Variants in SHROOM3 observed in about 807,000 individuals in gnomAD.
SHROOM3 encodes the protein protein Shroom3.
A neutral mutation model predicts 138.6 loss-of-function variants in SHROOM3; 47 were observed. The observed-to-expected ratio is 0.34, with a 90% CI of 0.27 to 0.43. The LOEUF is 0.43. SHROOM3 is among the 20% of genes least tolerant of loss of function. The pLI, the probability that SHROOM3 is intolerant of heterozygous loss-of-function variation, is 1.00. For synonymous variants in SHROOM3, 1,062 were observed against 1,063.3 expected, an observed-to-expected ratio of 1.00 and a Z score of 0.02; for missense variants, 2,491 against 2,596.5, an observed-to-expected ratio of 0.96 and a Z score of 0.88.
chr4:76,679,028 T>G (rs1193778308), intron 2 of SHROOM3, among the ~76,000 whole-genome samples: 1 of 152,242 alleles, frequency 6.6e-6, no homozygotes. Context: ...GAAGAAATCG[T>G]TGGTGTATTT....
At chr4:76,735,839 TAAAAAAAAAAAAAAAAAAAAA>T (rs1170202101) in intron 4 of SHROOM3, among the ~76,000 whole-genome samples, 1 of 75,840 alleles carries the variant, frequency 1.3e-5, no homozygotes, top group African/African-American at 5.9e-5. Context: ...GACTCTATCT[TAAAAAAAAAAAAAAAAAAAAA>T]AAAAAAAAAT....
At chr4:76,479,245 G>T (rs910032149) in intron 1 of SHROOM3, among the ~76,000 whole-genome samples, 1 of 151,852 alleles carries the variant, frequency 6.6e-6, no homozygotes, top group Non-Finnish European at 1.5e-5. Context: ...AAGGTTAGAG[G>T]AATTGCTAAC....
intron 2 of SHROOM3, among the ~76,000 whole-genome samples, chr4:76,579,138 C>G (rs1733995027): frequency 6.6e-6 from 1 of 152,154 alleles, no homozygotes; most frequent in African/African-American, 2.4e-5. Context: ...GAGGTTGTGC[C>G]ACTGCTCTCC....
At chr4:76,599,602 G>A (rs1577910213) in intron 2 of SHROOM3, among the ~76,000 whole-genome samples, 1 of 152,290 alleles carries the variant, frequency 6.6e-6, no homozygotes, top group East Asian at 1.9e-4. Flanking sequence ...GTCTCCCTGT[G>A]CTCATCATGA....
At chr4:76,545,513 AT>A (rs1733195458) in intron 1 of SHROOM3, among the ~76,000 whole-genome samples, 1 of 152,206 alleles carries the variant, frequency 6.6e-6, no homozygotes, top group Non-Finnish European at 1.5e-5. Flanking sequence ...TATTTCATTT[AT>A]AAATCAAGTT....
intron 2 of SHROOM3, among the ~76,000 whole-genome samples, chr4:76,692,669 C>A (rs554396705): frequency 2.6e-5 from 4 of 152,290 alleles, no homozygotes; most frequent in Admixed American, 2.6e-4. Flanking sequence ...ACAATGAATA[C>A]GACTCAGCGA....
At chr4:76,643,518 A>G (rs1015559870) in intron 2 of SHROOM3, among the ~76,000 whole-genome samples, 1 of 152,192 alleles carries the variant, frequency 6.6e-6, no homozygotes, top group Admixed American at 6.5e-5. Flanking sequence ...AGGTATGATG[A>G]AAGGGGTTCT....
chr4:76,570,189 A>T (rs1047984318), intron 2 of SHROOM3, among the ~76,000 whole-genome samples: 1 of 151,570 alleles, frequency 6.6e-6, no homozygotes, highest in Admixed American at 6.6e-5. Context: ...ACACACGCAC[A>T]CCAGTACTTC....
intron 2 of SHROOM3, among the ~76,000 whole-genome samples, chr4:76,677,921 A>G (rs1719086656): frequency 6.6e-6 from 1 of 152,176 alleles, no homozygotes; most frequent in Non-Finnish European, 1.5e-5. Flanking sequence ...TCTTGCGTGA[A>G]TCTGCTTGTG....
intron 2 of SHROOM3, among the ~76,000 whole-genome samples, chr4:76,705,784 A>G (rs537962369): frequency 2.6e-4 from 39 of 152,242 alleles, no homozygotes; most frequent in Non-Finnish European, 5.0e-4. Flanking sequence ...AGCAAGAAAC[A>G]TAAACATAAA....
intron 2 of SHROOM3, among the ~76,000 whole-genome samples, chr4:76,689,389 C>T (rs1379052024): frequency 3.3e-5 from 5 of 151,496 alleles, no homozygotes; most frequent in African/African-American, 1.2e-4. Context: ...AGCGCGGCCC[C>T]TCGGGTGCGG....
At chr4:76,628,003 T>C (rs541703130) in intron 2 of SHROOM3, among the ~76,000 whole-genome samples, 79 of 152,322 alleles carry the variant, frequency 5.2e-4, no homozygotes, top group South Asian at 4.1e-3. Flanking sequence ...CTTCTTCCTT[T>C]CTCTATCCTG....
intron 2 of SHROOM3, among the ~76,000 whole-genome samples, chr4:76,703,055 C>A (rs931716201): frequency 6.6e-6 from 1 of 151,960 alleles, no homozygotes; most frequent in African/African-American, 2.4e-5. Flanking sequence ...AGGGGGAAAT[C>A]AAGTGAAAAA....
intron 1 of SHROOM3, among the ~76,000 whole-genome samples, chr4:76,479,575 G>C (rs144600518): frequency 6.6e-6 from 1 of 152,136 alleles, no homozygotes; most frequent in East Asian, 1.9e-4. Flanking sequence ...TTATCCAGGA[G>C]AACTTCCCCA....
chr4:76,745,187 T>C (rs72663233), intron 5 of SHROOM3, among the ~76,000 whole-genome samples: 2,718 of 152,338 alleles, frequency 0.018, 41 homozygotes, highest in Non-Finnish European at 0.027. Context: ...CTGTGAGACC[T>C]TGGAAAAGTT....
rs554414874 is a variant in SHROOM3 at position 76,586,317 on chromosome 4, A to T, written c.323+30554A>T. 5.1e-6 allele frequency: 5 copies of T among 985,628 alleles called. No individual in the cohort carries two copies. The Admixed American group carries it at 3.1e-4, about 61-fold the overall frequency. 61.1% of individuals were successfully genotyped at this position (985,628 alleles called of 1,614,324 possible). On this transcript the variant is annotated intron_variant, in intron 2 of 10. Transcript: ENST00000296043. ...GTCTTCCTCGGGCTGGCTCCTGCGG[A>T]TCCTTCCTGGGCCAGAACCGTGCCT... is the stretch of plus-strand genomic sequence containing the variant.
chr4:76,624,589 A>C (rs1735085299), intron 2 of SHROOM3, among the ~76,000 whole-genome samples: 1 of 152,136 alleles, frequency 6.6e-6, no homozygotes, highest in African/African-American at 2.4e-5. Flanking sequence ...CTACACGTGA[A>C]TACTGGTATC....
chr4:76,739,681 C>G lies in SHROOM3; in HGVS notation c.1508C>G (p.Ala503Gly), dbSNP rs757644732. 6.2e-7 allele frequency: 1 copy of G among 1,614,128 alleles called. No homozygotes were observed. The highest frequency in any genetic ancestry group is 1.1e-5 in the South Asian group (1 of 91,080). ...CTGGCCAAGGAGAGTGGATACATAG[C>G]CCCTCAGGGAGCATGCAACAAGATG... The part of the protein sequence containing the change: ...PALAKESGYI[A>G]PQGACNKMAT... The change falls in exon 5 of 11, where the codon GCC (alanine) becomes GGC (glycine). Residue 503 changes from alanine to glycine, a missense_variant. This residue lies in a region of SHROOM3 where 1,733 missense variants were observed against 1,661.6 expected (regional missense o/e 1.04). Coordinates refer to ENST00000296043, the MANE Select transcript of SHROOM3 (RefSeq NM_020859.4).
chr4:76,637,611 C>G (rs1735535810), intron 2 of SHROOM3: 1 of 152,148 alleles, frequency 6.6e-6, no homozygotes, highest in Non-Finnish European at 1.5e-5. Context: ...CAATCACTGG[C>G]TCCATCAGGC....
Sources: gnomAD v4.1 joint callset for allele counts (sites outside exome capture counted in the v4.1 genomes callset) on GRCh38, gnomAD v4.1.1 for gene constraint, gnomAD v4.1.1 regional missense constraint, MANE v1.5 for transcripts, NCBI Gene and HGNC (gene_info 2026-07-23, HGNC 2026-07-21) for gene names.